MAP4K1: variants seen among roughly 807,000 people sequenced by gnomAD.
MAP4K1 encodes mitogen-activated protein kinase kinase kinase kinase 1, also known as MAPK/ERK kinase kinase kinase 1.
Under a neutral mutation model 122.8 loss-of-function variants are expected in MAP4K1, and 35 were observed. The observed-to-expected ratio is 0.29, with a 90% confidence interval of 0.22 to 0.38. The LOEUF (loss-of-function observed/expected upper bound fraction) is 0.38. Among genes scored for constraint, MAP4K1 ranks in the 10% least tolerant of loss-of-function variants. The probability of loss-of-function intolerance (pLI) is 1.00; values close to 1 mark genes in which losing one functional copy is unlikely to be tolerated. For synonymous variants in MAP4K1, 412 were observed against 421.3 expected, an observed-to-expected ratio of 0.98 and a Z score of 0.27; for missense variants, 791 against 1,072.6, an observed-to-expected ratio of 0.74 and a Z score of 3.67.
chr19:38,601,050 C>T (rs1975047282), intron 20 of MAP4K1, among the ~76,000 whole-genome samples: 1 of 152,110 alleles, frequency 6.6e-6, no homozygotes, highest in African/African-American at 2.4e-5. Context: ...AAATGATCCG[C>T]CCGCCTCCGC....
chr19:38,600,052 G>C, intron 21 of MAP4K1, 25 bp downstream of exon 21: 1 of 1,614,098 alleles, frequency 6.2e-7, no homozygotes, highest in Admixed American at 1.7e-5. Context: ...CCTTGCCCTT[G>C]CCCTGGCCCG....
intron 3 of MAP4K1, among the ~76,000 whole-genome samples, chr19:38,616,917 C>T (rs1441099937): frequency 6.6e-6 from 1 of 151,752 alleles, no homozygotes; most frequent in Admixed American, 6.6e-5. Context: ...GATGGGAGGT[C>T]GGGTTATGGT....
intron 3 of MAP4K1, 89 bp from the exon 4 acceptor site, chr19:38,616,348 G>T: frequency 3.0e-6 from 3 of 990,682 alleles, no homozygotes; most frequent in Non-Finnish European, 4.5e-6. Flanking sequence ...TCTTGTTCTA[G>T]TTCAATAAGA....
At chr19:38,613,992 C>A (rs200968082) in intron 7 of MAP4K1, 40 bp from the exon 8 acceptor site, 1 of 1,612,658 alleles carries the variant, frequency 6.2e-7, no homozygotes, top group Non-Finnish European at 8.5e-7. Flanking sequence ...GGGTCCACTG[C>A]GCTTCCGGCC....
At chr19:38,607,574 A>AG (rs1975365302) in intron 16 of MAP4K1, among the ~76,000 whole-genome samples, 1 of 150,846 alleles carries the variant, frequency 6.6e-6, no homozygotes, top group Admixed American at 6.6e-5. Flanking sequence ...AAAAAAAAAA[A>AG]AAAAAAGAAG....
At chr19:38,588,099 G>A (rs570573375) in intron 30 of MAP4K1, among the ~76,000 whole-genome samples, 1 of 152,162 alleles carries the variant, frequency 6.6e-6, no homozygotes, top group Admixed American at 6.6e-5. Context: ...CAGCCTGAAG[G>A]GGGGTTAGGA....
At chr19:38,596,193 T>A in intron 26 of MAP4K1, 119 bp downstream of exon 26, 2 of 1,387,008 alleles carry the variant, frequency 1.4e-6, no homozygotes, top group Non-Finnish European at 1.9e-6. Flanking sequence ...TTCTCCCTTC[T>A]CCGCCCTTCC....
intron 28 of MAP4K1, 38 bp from the exon 29 acceptor site, chr19:38,595,593 C>T: frequency 6.2e-7 from 1 of 1,614,062 alleles, no homozygotes; most frequent in Non-Finnish European, 8.5e-7. Flanking sequence ...TTGGGGATCA[C>T]TTGAGTTTCC....
At chr19:38,609,494 A>G (rs1474396671) in intron 13 of MAP4K1, 102 bp downstream of exon 13, 4 of 986,836 alleles carry the variant, frequency 4.1e-6, no homozygotes, top group Non-Finnish European at 6.3e-6. Context: ...TTATAGGATC[A>G]GATGATGCTG....
intron 30 of MAP4K1, among the ~76,000 whole-genome samples, chr19:38,590,846 A>G (rs1239064919): frequency 1.3e-5 from 2 of 151,984 alleles, no homozygotes; most frequent in African/African-American, 4.8e-5. Flanking sequence ...TGATTTTGAC[A>G]GCTGTGCTGT....
intron 19 of MAP4K1, among the ~76,000 whole-genome samples, chr19:38,603,287 C>T (rs1023609293): frequency 3.5e-4 from 40 of 115,448 alleles, no homozygotes; most frequent in Non-Finnish European, 5.7e-4. Context: ...CATACATATA[C>T]ACACACACAT....
chr19:38,617,103 G>A lies in MAP4K1; in HGVS notation c.248+251C>T, dbSNP rs1482767653. On this transcript the variant is annotated intron_variant, in intron 3 of 30. Transcript: ENST00000396857. The surrounding 1 kb of genome is among the most constrained non-coding windows in gnomAD (Gnocchi z 4.1). ...TCTACTAAAAATACAAAAATTTGCC[G>A]GGCAGGGTGGTGAGCGCCTGTAATC... Among the ~76,000 whole-genome samples, 4 of 151,974 alleles carry A rather than the reference G, an allele frequency of 2.6e-5. No homozygotes were observed. The highest frequency in any genetic ancestry group is 1.3e-4 in the Admixed American group (2 of 15,250).
rs1974940297 is a variant in MAP4K1, at chr19:38,597,975, C to T, written c.1670-381G>A. Reference sequence around the variant, plus strand: ...ATCACAGATGTGGCTTTCACTAACTCATGAATCCCATTTGGCTTGGTGTTT... The same window carrying T: ...ATCACAGATGTGGCTTTCACTAACTTATGAATCCCATTTGGCTTGGTGTTT... On this transcript the variant is annotated intron_variant, in intron 22 of 30. Transcript: ENST00000396857. The surrounding 1 kb of genome is among the most constrained non-coding windows in gnomAD (Gnocchi z 4.6). 6.6e-6 allele frequency among the ~76,000 whole-genome samples: 1 copy of T among 152,132 alleles called. No homozygotes were observed. Among genetic ancestry groups the T allele is most frequent in the Admixed American group, 6.6e-5 (1 of 15,238 alleles).
At chr19:38,602,271 C>T (rs946613050) in intron 19 of MAP4K1, among the ~76,000 whole-genome samples, 74 of 151,454 alleles carry the variant, frequency 4.9e-4, no homozygotes, top group African/African-American at 1.6e-3. Context: ...GACAGGGTTT[C>T]GCCATGTTGG....
At position 38,604,687 on chromosome 19, in the gene MAP4K1, G is replaced by A. The variant is rs1298513258; in HGVS notation, c.1446+722C>T. On this transcript the variant is annotated intron_variant, in intron 19 of 30. Coordinates refer to ENST00000396857, the MANE Select transcript of MAP4K1 (RefSeq NM_001042600.3). ...CACCTGTAGTCCCAGCTACTCGGGA[G>A]GCTGAGGCAGGAGAATGGTGTGAAC... Among the ~76,000 whole-genome samples, 5 of 151,964 alleles carry A rather than the reference G, an allele frequency of 3.3e-5. No individual in the cohort carries two copies. In the East Asian group the frequency reaches 7.8e-4, roughly 24 times the overall value.
rs1204015802 is a variant in MAP4K1, at chr19:38,617,454, G to C, written c.158-10C>G. The C allele has an allele frequency of 1.9e-6, 3 of 1,607,288 alleles. No homozygotes were observed. In the African/African-American group the frequency reaches 4.0e-5, roughly 22 times the overall value. On this transcript the variant is annotated splice_polypyrimidine_tract_variant and intron_variant, in intron 2 of 30. Coordinates refer to ENST00000396857, the MANE Select transcript of MAP4K1 (RefSeq NM_001042600.3). The surrounding 1 kb of genome is among the most constrained non-coding windows in gnomAD (Gnocchi z 4.1). ...GTGGAGACATCATCATCTGTGAGGA[G>C]GGCGGGAGAGAAAAGGCAGCTCGCA...
At chr19:38,614,165 C>T (rs1975580051) in intron 6 of MAP4K1, 80 bp from the exon 7 acceptor site, 2 of 1,608,890 alleles carry the variant, frequency 1.2e-6, no homozygotes, top group African/African-American at 2.7e-5. Flanking sequence ...CTCAAACTAC[C>T]CTGATCCCTG....
chr19:38,614,178 C>G, intron 6 of MAP4K1, 67 bp downstream of exon 6: 1 of 1,608,910 alleles, frequency 6.2e-7, no homozygotes, highest in South Asian at 1.1e-5. Context: ...GATCCCTGAG[C>G]CCCTGAAATG....
intron 19 of MAP4K1, among the ~76,000 whole-genome samples, chr19:38,604,681 T>C (rs1975270819): frequency 6.6e-6 from 1 of 151,166 alleles, no homozygotes; most frequent in Admixed American, 6.6e-5. Flanking sequence ...TCCCAGCTAC[T>C]CGGGAGGCTG....
Sources: allele counts gnomAD v4.1 joint callset (sites outside exome capture counted in the v4.1 genomes callset), GRCh38; gene constraint gnomAD v4.1.1; non-coding constraint Gnocchi (gnomAD v3.1); transcripts MANE v1.5; gene names NCBI Gene and HGNC (gene_info 2026-07-23, HGNC 2026-07-21).